Variants in ARL17B observed in about 807,000 individuals in gnomAD.
ARL17B encodes the protein ADP-ribosylation factor-like protein 17.
rs540278575 is a variant in ARL17B, at chr17:46,276,272, A to T, written c.*22-854T>A. On this transcript the variant is annotated intron_variant, in intron 4 of 4. Coordinates refer to the ARL17B transcript ENST00000570618. The stretch of plus-strand genomic sequence containing the variant: ...GACTTTATATTGCAATAGCAGATAA[A>T]TTTATATTGCAATAGCAGATAAATA... Among the ~76,000 whole-genome samples the T allele has an allele frequency of 2.0e-5, 3 of 152,386 alleles. No individual in the cohort carries two copies. In the South Asian group the frequency reaches 6.2e-4, roughly 32 times the overall value.
intron 3 of ARL17B, among the ~76,000 whole-genome samples, chr17:46,325,687 G>A (rs2143998675): frequency 1.2e-5 from 1 of 81,008 alleles, no homozygotes; most frequent in Admixed American, 1.3e-4. Flanking sequence ...ATTGAGTGAT[G>A]ATAGTCCTCT....
chr17:46,282,870 G>C (rs1458862004), intron 4 of ARL17B, among the ~76,000 whole-genome samples: 2 of 152,340 alleles, frequency 1.3e-5, no homozygotes, highest in East Asian at 1.9e-4. Context: ...TGTTATCCCA[G>C]CATTTTGGGA....
rs369361891 is a variant in ARL17B at position 46,279,500 on chromosome 17, C to CTT, written c.*22-4084_*22-4083dup. Among the ~76,000 whole-genome samples, 321 of 122,380 alleles carry CTT rather than the reference C, an allele frequency of 2.6e-3. 2 individuals carry two copies. The highest frequency in any genetic ancestry group is 5.1e-3 in the African/African-American group (155 of 30,528). 80.3% of individuals were successfully genotyped at this position (122,380 alleles called of 152,430 possible). A position where few individuals can be genotyped will look rare whatever the true frequency, so the allele number is the denominator to read the frequency against. The stretch of plus-strand genomic sequence containing the variant: ...CACCTGGCCTTTTTTTTCTTTCTTT[C>CTT]TTTTTTTTTTTTTTTTTTTGAGATA... On this transcript the variant is annotated intron_variant, in intron 4 of 4. Transcript: ENST00000570618.
At chr17:46,311,592 T>C (rs1304996344) in intron 3 of ARL17B, among the ~76,000 whole-genome samples, 5 of 90,122 alleles carry the variant, frequency 5.5e-5, no homozygotes, top group Non-Finnish European at 1.1e-4. Context: ...TATCTGGACC[T>C]GTACAGAAGA....
In ARL17B at chr17:46,315,926, T is replaced by C. The variant is rs563832352; in HGVS notation, c.260-16261A>G. Among the ~76,000 whole-genome samples the C allele has an allele frequency of 5.6e-5, 4 of 71,762 alleles. 1 individual carries two copies. The highest frequency in any genetic ancestry group is 7.9e-5 in the Non-Finnish European group (2 of 25,368). 47.1% of individuals were successfully genotyped at this position (71,762 alleles called of 152,430 possible). ...ATTATGTAAGTATCTTTTTCTTTTTTTTTTTTCTTTATTTTGGGACAGAGT... is the reference window on the plus strand; with the variant it reads ...ATTATGTAAGTATCTTTTTCTTTTTCTTTTTTCTTTATTTTGGGACAGAGT... On this transcript the variant is annotated intron_variant, in intron 3 of 4. Transcript: ENST00000434041.
At chr17:46,287,223 T>C (rs1454968840) in intron 4 of ARL17B, among the ~76,000 whole-genome samples, 4 of 152,218 alleles carry the variant, frequency 2.6e-5, no homozygotes, top group Non-Finnish European at 5.9e-5. Context: ...AAAAACATAC[T>C]GGAATTTGAA....
At chr17:46,280,087 G>T (rs74839514) in intron 4 of ARL17B, among the ~76,000 whole-genome samples, 21,671 of 151,900 alleles carry the variant, frequency 0.14, 1,862 homozygotes, top group Non-Finnish European at 0.22. Context: ...AAATAAAAAT[G>T]TCTGGCCAGG....
At chr17:46,274,970 A>G in exon 5 of ARL17B, 1 of 156,268 alleles carries the variant, frequency 6.4e-6, no homozygotes. Context: ...TCGGCTCAAT[A>G]CAACCTCTGC....
intron 4 of ARL17B, among the ~76,000 whole-genome samples, chr17:46,280,475 G>C (rs2049731572): frequency 6.6e-6 from 1 of 151,952 alleles, no homozygotes; most frequent in Non-Finnish European, 1.5e-5. Flanking sequence ...CTCAGTTCAA[G>C]ACTAGCTTGG....
chr17:46,284,075 C>T (rs1349616835), intron 4 of ARL17B, among the ~76,000 whole-genome samples: 4 of 152,226 alleles, frequency 2.6e-5, no homozygotes, highest in African/African-American at 4.8e-5. Context: ...TGCCCAGGGA[C>T]GGGCAGGAGA....
chr17:46,283,989 C>A (rs1303710787), intron 4 of ARL17B, among the ~76,000 whole-genome samples: 2 of 152,268 alleles, frequency 1.3e-5, no homozygotes, highest in East Asian at 1.9e-4. Context: ...GCGTGTCCCA[C>A]CTCCAGCCCT....
At chr17:46,315,874 T>C (rs1404479856) in intron 3 of ARL17B, among the ~76,000 whole-genome samples, 1 of 57,824 alleles carries the variant, frequency 1.7e-5, no homozygotes, top group Non-Finnish European at 4.5e-5. Flanking sequence ...ATACCTTATG[T>C]TCATCAACTA....
intron 4 of ARL17B, among the ~76,000 whole-genome samples, chr17:46,291,689 G>A (rs1309632147): frequency 1.3e-5 from 2 of 152,158 alleles, no homozygotes; most frequent in Non-Finnish European, 2.9e-5. Context: ...GGGAAGTCGA[G>A]GAAGGAGGAT....
chr17:46,291,706 CT>C (rs2050072020), intron 4 of ARL17B, among the ~76,000 whole-genome samples: 1 of 151,896 alleles, frequency 6.6e-6, no homozygotes, highest in Non-Finnish European at 1.5e-5. Flanking sequence ...GGATCACTTG[CT>C]TGAGCCCGGG....
In ARL17B at chr17:46,289,560, G is replaced by C. The variant is rs192087191; in HGVS notation, c.*21+9966C>G. ...TCACCATGTTGGCTAGGCTGGTCTC[G>C]AACTCCTGACCTCAGGTGGTCTGCC... On this transcript the variant is annotated intron_variant, in intron 4 of 4. Coordinates refer to the ARL17B transcript ENST00000570618. Among the ~76,000 whole-genome samples the C allele has an allele frequency of 2.6e-5, 4 of 152,196 alleles. No homozygotes were observed. The East Asian group carries it at 5.8e-4, about 22-fold the overall frequency.
At chr17:46,275,016 C>T (rs1230958490) in exon 5 of ARL17B, 1 of 159,290 alleles carries the variant, frequency 6.3e-6, no homozygotes, top group Non-Finnish European at 1.4e-5. Flanking sequence ...CCTCAGCCTC[C>T]CAAGTAGCTG....
chr17:46,281,143 A>G (rs1257424598), intron 4 of ARL17B, among the ~76,000 whole-genome samples: 1 of 152,066 alleles, frequency 6.6e-6, no homozygotes, highest in Non-Finnish European at 1.5e-5. Flanking sequence ...TAATGTTTGG[A>G]AATTTTATAG....
intron 4 of ARL17B, among the ~76,000 whole-genome samples, chr17:46,280,981 TAG>T (rs149535063): frequency 0.074 from 10,091 of 136,962 alleles, no homozygotes; most frequent in Middle Eastern, 0.12. Flanking sequence ...TGGCTGCACA[TAG>T]ACTTCTAGGT....
intron 4 of ARL17B, among the ~76,000 whole-genome samples, chr17:46,291,826 T>C (rs1567858498): frequency 6.6e-6 from 1 of 151,990 alleles, no homozygotes; most frequent in African/African-American, 2.4e-5. Context: ...GATGGTGGCA[T>C]GGCACGCGCC....
Sources: gnomAD v4.1 joint callset for allele counts (sites outside exome capture counted in the v4.1 genomes callset) on GRCh38, gnomAD v4.1.1 for gene constraint, MANE v1.5 for transcripts, NCBI Gene and HGNC (gene_info 2026-07-23, HGNC 2026-07-21) for gene names.